CHD5: variants seen among roughly 807,000 people sequenced by gnomAD.
The protein encoded by CHD5 is chromodomain helicase DNA binding protein 5.
A neutral mutation model predicts 230.3 loss-of-function variants in CHD5; 69 were observed. The observed-to-expected ratio is 0.30, with a 90% CI of 0.25 to 0.37. The LOEUF (loss-of-function observed/expected upper bound fraction) is 0.37. CHD5 is among the 10% of genes least tolerant of loss of function. The probability of loss-of-function intolerance (pLI) is 1.00; values close to 1 mark genes in which losing one functional copy is unlikely to be tolerated. For missense variants in CHD5, 1,827 were observed against 2,622.8 expected (o/e 0.70, Z 6.63); for synonymous variants, 1,064 against 1,065.9 (o/e 1.00, Z 0.03).
At chr1:6,117,051 G>A (rs1190330558) in intron 33 of CHD5, among the ~76,000 whole-genome samples, 1 of 152,108 alleles carries the variant, frequency 6.6e-6, no homozygotes, top group Non-Finnish European at 1.5e-5. Flanking sequence ...AATGTTAAGA[G>A]TACAGAATGA....
At chr1:6,144,179 G>C in intron 11 of CHD5, 24 bp from the exon 12 acceptor site, 1 of 1,614,008 alleles carries the variant, frequency 6.2e-7, no homozygotes, top group South Asian at 1.1e-5. Context: ...AACAGATGTG[G>C]GTCGCTCAGA....
intron 7 of CHD5, 139 bp downstream of exon 7, chr1:6,150,893 C>T: frequency 8.8e-7 from 1 of 1,130,168 alleles, no homozygotes; most frequent in Non-Finnish European, 1.2e-6. Context: ...TGAGGATGCC[C>T]TCCCCCTGCT....
rs1666690392 is a variant in CHD5 at position 6,133,473 on chromosome 1, G to A, written c.3144+655C>T. On this transcript the variant is annotated intron_variant, in intron 20 of 41. Transcript: ENST00000262450. Reference sequence around the variant, plus strand: ...GCCCAGACTCTGGGTTTGAGCAAGGGGCCTGGCTCAGTGGGCCCACGAGAG... The same window carrying A: ...GCCCAGACTCTGGGTTTGAGCAAGGAGCCTGGCTCAGTGGGCCCACGAGAG... 1.3e-5 allele frequency among the ~76,000 whole-genome samples: 2 copies of A among 152,232 alleles called. 1 individual carries two copies. Among genetic ancestry groups the A allele is most frequent in the South Asian group, 4.1e-4 (2 of 4,836 alleles).
rs927754779 is a variant in CHD5, at chr1:6,103,284, C to T, written c.*2190G>A. 3 of 152,648 alleles carry T rather than the reference C, an allele frequency of 2.0e-5. No homozygotes were observed. Among genetic ancestry groups the T allele is most frequent in the African/African-American group, 7.2e-5 (3 of 41,474 alleles). 9.5% of individuals were successfully genotyped at this position (152,648 alleles called of 1,614,324 possible). ...GGGCCCAGGCCCAAAGGAGCCCTGG[C>T]CAGGCTTTCCTGGGTGCCCGAGTCT... is the stretch of plus-strand genomic sequence containing the variant. On this transcript the variant is annotated 3_prime_UTR_variant, in exon 42 of 42. Transcript: ENST00000262450.
At chr1:6,135,452 G>A in intron 17 of CHD5, 49 bp from the exon 18 acceptor site, 2 of 1,543,212 alleles carry the variant, frequency 1.3e-6, no homozygotes, top group African/African-American at 1.4e-5. Context: ...ACCGGGGCAG[G>A]GGAGGCAGGG....
chr1:6,109,038 C>T (rs1666243047), intron 38 of CHD5, among the ~76,000 whole-genome samples: 2 of 151,994 alleles, frequency 1.3e-5, no homozygotes. Context: ...GCACCAGGCC[C>T]TCCCAAGCTG....
rs182767246 is a variant in CHD5, at chr1:6,158,554, A to G, written c.387+782T>C. Among the ~76,000 whole-genome samples the G allele has an allele frequency of 2.9e-3, 443 of 152,360 alleles. 3 individuals carry two copies. The highest frequency in any genetic ancestry group is 3.6e-3 in the Non-Finnish European group (247 of 68,030). On this transcript the variant is annotated intron_variant, in intron 3 of 41. Transcript: ENST00000262450. ...GCTGTGCGTGGTGATGCGTGCCTGT[A>G]GTACCAGCTACTCAGAAGGCTAAGG... is the stretch of plus-strand genomic sequence containing the variant.
chr1:6,140,024 C>G (rs1666803436), intron 15 of CHD5, among the ~76,000 whole-genome samples: 1 of 152,208 alleles, frequency 6.6e-6, no homozygotes, highest in Non-Finnish European at 1.5e-5. Flanking sequence ...CGAGGATCCA[C>G]CAGCCCCCAA....
intron 29 of CHD5, 44 bp from the exon 30 acceptor site, chr1:6,124,705 G>A (rs764522355): frequency 2.8e-5 from 34 of 1,215,842 alleles, no homozygotes; most frequent in Non-Finnish European, 3.5e-5. Context: ...GTGGGGGGCC[G>A]GCAAGAACCC....
In CHD5 at chr1:6,142,705, C is replaced by A. The variant is rs1666847754; in HGVS notation, c.2044-100G>T. On this transcript the variant is annotated intron_variant, in intron 13 of 41. Coordinates refer to ENST00000262450, the MANE Select transcript of CHD5 (RefSeq NM_015557.3). The surrounding 1 kb of genome is among the most constrained non-coding windows in gnomAD (Gnocchi z 5.2). ...TGCAATTCCTTCTGCCTGGAACACT[C>A]TTCCCACTCCTGTCTGTCTTCCTAA... The A allele has an allele frequency of 8.0e-7, 1 of 1,244,528 alleles. No homozygotes were observed. The highest frequency in any genetic ancestry group is 1.5e-5 in the South Asian group (1 of 67,494). 77.1% of individuals were successfully genotyped at this position (1,244,528 alleles called of 1,614,324 possible). A position where few individuals can be genotyped will look rare whatever the true frequency, so the allele number is the denominator to read the frequency against.
intron 11 of CHD5, among the ~76,000 whole-genome samples, chr1:6,145,840 C>T (rs977452557): frequency 4.6e-5 from 7 of 152,226 alleles, no homozygotes; most frequent in Admixed American, 1.3e-4. Flanking sequence ...GTGCTCAGTA[C>T]AGCCAGCTGC....
chr1:6,139,593 AC>A (rs1292319721), intron 15 of CHD5, among the ~76,000 whole-genome samples: 1 of 150,652 alleles, frequency 6.6e-6, no homozygotes, highest in Non-Finnish European at 1.5e-5. Flanking sequence ...AGGCAAGAGT[AC>A]AACAGCTATT....
At chr1:6,111,710 G>C in intron 36 of CHD5, 65 bp downstream of exon 36, 2 of 1,271,806 alleles carry the variant, frequency 1.6e-6, no homozygotes, top group East Asian at 2.3e-5. Flanking sequence ...GCTCTCAGAG[G>C]GCTCTCCCCG....
In CHD5 at chr1:6,128,669, G is replaced by T; in HGVS notation, c.3620-60C>A. On this transcript the variant is annotated intron_variant, in intron 23 of 41. Transcript: ENST00000262450. The surrounding 1 kb of genome is among the most constrained non-coding windows in gnomAD (Gnocchi z 7.8). ...CCACAGAGGGCTGCAGGGTTGGCGG[G>T]CAGTGCCCAGAGACACCACCCTGGG... 1 of 1,441,804 alleles carries T rather than the reference G, an allele frequency of 6.9e-7. No individual in the cohort carries two copies. The allele number at this position is 1,441,804 out of a possible 1,614,324, so 89.3% of individuals were successfully genotyped here.
rs973229687 is a variant in CHD5 at position 6,105,218 on chromosome 1, C to T, written c.*256G>A. 2.0e-5 allele frequency: 7 copies of T among 350,142 alleles called. No homozygotes were observed. The highest frequency in any genetic ancestry group is 2.9e-5 in the Non-Finnish European group (5 of 170,950). The allele number at this position is 350,142 out of a possible 1,614,324, so 21.7% of individuals were successfully genotyped here. ...GGAAAAGGTGGCGAGGGGGCACGTC[C>T]GGCGTGGTTGTGGGGGCAACGCTGT... On this transcript the variant is annotated 3_prime_UTR_variant, in exon 42 of 42. Transcript: ENST00000262450. The surrounding 1 kb of genome is among the most constrained non-coding windows in gnomAD (Gnocchi z 4.8).
chr1:6,150,367 A>AGGATGGATGGAT (rs373764965), intron 7 of CHD5, among the ~76,000 whole-genome samples: 9 of 115,970 alleles, frequency 7.8e-5, no homozygotes, highest in African/African-American at 3.0e-4. Context: ...GATGGACAAA[A>AGGATGGATGGAT]GGATGGATGG....
At chr1:6,156,143 G>A (rs1022728777) in intron 3 of CHD5, among the ~76,000 whole-genome samples, 3 of 152,222 alleles carry the variant, frequency 2.0e-5, no homozygotes, top group Non-Finnish European at 2.9e-5. Context: ...ACTGCATTCT[G>A]GGGATTTGGA....
chr1:6,112,429 C>A, intron 34 of CHD5, 152 bp from the exon 35 acceptor site: 1 of 965,768 alleles, frequency 1.0e-6, no homozygotes, highest in Non-Finnish European at 1.6e-6. Context: ...TTAAACAAGC[C>A]AACGGCCTCT....
At position 6,130,860 on chromosome 1, in the gene CHD5, T is replaced by G. The variant is rs1441665001; in HGVS notation, c.3263-532A>C. Among the ~76,000 whole-genome samples, 1 of 152,190 alleles carries G rather than the reference T, an allele frequency of 6.6e-6. No individual in the cohort carries two copies. Among genetic ancestry groups the G allele is most frequent in the Non-Finnish European group, 1.5e-5 (1 of 68,022 alleles). On this transcript the variant is annotated intron_variant, in intron 21 of 41. Transcript: ENST00000262450. This position sits in a 1 kb window ranked among gnomAD's most constrained non-coding sequence, Gnocchi z 4.9. ...GACTGACCACAGCCCCCACTGGAGC[T>G]GCAAACAGGCCCCTGGCACACCCAG...
Sources: allele counts gnomAD v4.1 joint callset (sites outside exome capture counted in the v4.1 genomes callset), GRCh38; gene constraint gnomAD v4.1.1; non-coding constraint Gnocchi (gnomAD v3.1); transcripts MANE v1.5; gene names NCBI Gene and HGNC (gene_info 2026-07-23, HGNC 2026-07-21).